PRKAR1A: variants seen among roughly 807,000 people sequenced by gnomAD.
PRKAR1A encodes cAMP-dependent protein kinase type I-alpha regulatory subunit.
In PRKAR1A, 3 loss-of-function variants were observed where a neutral mutation model predicts 52.0. The observed-to-expected ratio is 0.06, with a 90% CI of 0.03 to 0.15. The LOEUF (loss-of-function observed/expected upper bound fraction) is 0.15, where lower values mean the gene tolerates loss of function less well. Ranked by LOEUF, PRKAR1A falls within the 10% of genes least tolerant of loss-of-function variation. PRKAR1A has a pLI of 1.00. For missense variants in PRKAR1A, 240 were observed against 477.4 expected (o/e 0.50, Z 4.63); for synonymous variants, 188 against 168.4 (o/e 1.12, Z -0.90).
the PRKAR1A span, among the ~76,000 whole-genome samples, chr17:68,464,165 G>A: frequency 5.9e-5 from 9 of 152,288 alleles, 1 homozygote; most frequent in East Asian, 1.7e-3. Flanking sequence ...CAAAATTACT[G>A]ACATTGGCAT....
At chr17:68,498,831 A>G in the PRKAR1A span, among the ~76,000 whole-genome samples, 3 of 152,124 alleles carry the variant, frequency 2.0e-5, no homozygotes, top group Non-Finnish European at 4.4e-5. Flanking sequence ...GGCATCCTAC[A>G]ATCTCTCTAA....
chr17:68,437,220 C>G, the PRKAR1A span, among the ~76,000 whole-genome samples: 2 of 152,002 alleles, frequency 1.3e-5, no homozygotes, highest in Admixed American at 1.3e-4. Context: ...CCAGTAACTT[C>G]AAGTTGGAGA....
At chr17:68,528,781 C>T in intron 8 of PRKAR1A, 89 bp from the exon 9 acceptor site, 1 of 1,521,234 alleles carries the variant, frequency 6.6e-7, no homozygotes, top group Non-Finnish European at 9.1e-7. Context: ...ATGGGCATGG[C>T]TATTTGGTTG....
rs137951461 is a variant in PRKAR1A, at chr17:68,526,422, A to G, written c.708+510A>G. ...CTGGTGATAGTCAGATTTTTTGAGA[A>G]CGTTGTGATAAATTTATAGGATAGC... On this transcript the variant is annotated intron_variant, in intron 7 of 10. Transcript: ENST00000589228. Among the ~76,000 whole-genome samples the G allele has an allele frequency of 6.6e-5, 10 of 152,336 alleles. No individual in the cohort carries two copies. In the East Asian group the frequency reaches 1.7e-3, roughly 26 times the overall value.
chr17:68,473,376 T>C, the PRKAR1A span, among the ~76,000 whole-genome samples: 1 of 152,124 alleles, frequency 6.6e-6, no homozygotes, highest in Non-Finnish European at 1.5e-5. Context: ...ACCTCAACGC[T>C]CCAGAAATTA....
the PRKAR1A span, among the ~76,000 whole-genome samples, chr17:68,433,285 T>G: frequency 6.6e-6 from 1 of 152,326 alleles, no homozygotes; most frequent in Middle Eastern, 3.4e-3. Flanking sequence ...TGGCTCCCAG[T>G]TTTTTGCTTT....
At chr17:68,455,361 C>CAAA in the PRKAR1A span, among the ~76,000 whole-genome samples, 6 of 102,600 alleles carry the variant, frequency 5.8e-5, no homozygotes, top group South Asian at 3.4e-4. Flanking sequence ...AAGACTGTCT[C>CAAA]AAAAAAAAAA....
the PRKAR1A span, among the ~76,000 whole-genome samples, chr17:68,486,506 CTTCTTTCTTTCT>C: frequency 0.033 from 1,581 of 47,874 alleles, 20 homozygotes; most frequent in Middle Eastern, 0.067. Flanking sequence ...TCCTTCCTTC[CTTCTTTCTTTCT>C]TTCTTTCTTT....
the PRKAR1A span, among the ~76,000 whole-genome samples, chr17:68,491,805 A>AAAAAAAGCC: frequency 5.1e-3 from 780 of 152,220 alleles, 14 homozygotes; most frequent in African/African-American, 0.018. Flanking sequence ...AAAAAGAAAA[A>AAAAAAAGCC]AGTAGGTGGG....
chr17:68,435,601 T>C, the PRKAR1A span: 25 of 1,612,652 alleles, frequency 1.6e-5, no homozygotes, highest in African/African-American at 2.0e-4. Flanking sequence ...GACAGAGGTG[T>C]TGGTGGGAGT....
intron 7 of PRKAR1A, among the ~76,000 whole-genome samples, chr17:68,527,037 T>G (rs1031367509): frequency 6.6e-6 from 1 of 152,232 alleles, no homozygotes; most frequent in Non-Finnish European, 1.5e-5. Flanking sequence ...CTGCATTTCC[T>G]CTACAGGAAT....
At chr17:68,466,686 A>G in the PRKAR1A span, among the ~76,000 whole-genome samples, 1 of 152,082 alleles carries the variant, frequency 6.6e-6, no homozygotes, top group African/African-American at 2.4e-5. Flanking sequence ...TGCTGAGATT[A>G]CAATCGTGAG....
the PRKAR1A span, among the ~76,000 whole-genome samples, chr17:68,451,357 C>A: frequency 1.3e-5 from 2 of 152,202 alleles, no homozygotes; most frequent in African/African-American, 4.8e-5. Context: ...TCACCTGAAC[C>A]CAGGAGGAAG....
At chr17:68,436,621 T>A in the PRKAR1A span, 4 of 690,576 alleles carry the variant, frequency 5.8e-6, no homozygotes, top group African/African-American at 3.6e-5. Flanking sequence ...TGCTTTCCGC[T>A]GATGATTCTT....
chr17:68,503,635 G>A, the PRKAR1A span, among the ~76,000 whole-genome samples: 1 of 152,166 alleles, frequency 6.6e-6, no homozygotes, highest in African/African-American at 2.4e-5. Flanking sequence ...TCTGCAAAAA[G>A]CAAACATATG....
chr17:68,415,119 G>C, the PRKAR1A span, among the ~76,000 whole-genome samples: 2 of 152,070 alleles, frequency 1.3e-5, no homozygotes, highest in African/African-American at 4.8e-5. Context: ...ACCTTAGAAT[G>C]TCAGTTTGTG....
At chr17:68,439,389 T>C in the PRKAR1A span, among the ~76,000 whole-genome samples, 1 of 152,158 alleles carries the variant, frequency 6.6e-6, no homozygotes, top group African/African-American at 2.4e-5. Context: ...GGAACCGATA[T>C]TGTATGAGTC....
At chr17:68,451,339 C>G in the PRKAR1A span, among the ~76,000 whole-genome samples, 196 of 152,298 alleles carry the variant, frequency 1.3e-3, no homozygotes, top group African/African-American at 4.6e-3. Flanking sequence ...GAGGCTGAGG[C>G]ATGAGAATCA....
chr17:68,537,241 A>ATG, downstream of PRKAR1A: 1 of 676,472 alleles, frequency 1.5e-6, no homozygotes, highest in Non-Finnish European at 2.7e-6. This position sits in a 1 kb window ranked among gnomAD's most constrained non-coding sequence, Gnocchi z 4.2. Flanking sequence ...GGTGGCCTTG[A>ATG]TGAAGCCAGT....
Sources: gnomAD v4.1 joint callset for allele counts (sites outside exome capture counted in the v4.1 genomes callset) on GRCh38, gnomAD v4.1.1 for gene constraint, Gnocchi (gnomAD v3.1) non-coding constraint, MANE v1.5 for transcripts, NCBI Gene and HGNC (gene_info 2026-07-23, HGNC 2026-07-21) for gene names.